Variants in MUS81 observed in about 807,000 individuals in gnomAD.
The protein encoded by MUS81 is structure-specific endonuclease subunit MUS81.
A neutral mutation model predicts 74.2 loss-of-function variants in MUS81; 69 were observed. The observed-to-expected ratio is 0.93, with a 90% CI of 0.77 to 1.14. The LOEUF (loss-of-function observed/expected upper bound fraction) is 1.14. Among genes scored for constraint, MUS81 ranks in the 50% most tolerant of loss-of-function variants. The pLI is 0.00. For missense variants in MUS81, 711 were observed against 726.5 expected (o/e 0.98, Z 0.25); for synonymous variants, 303 against 300.6 (o/e 1.01, Z -0.08).
chr11:65,863,307 C>A (rs539621498), intron 7 of MUS81, 102 bp downstream of exon 7: 1 of 1,581,448 alleles, frequency 6.3e-7, no homozygotes, highest in East Asian at 2.3e-5. Flanking sequence ...ACTGTGGCTG[C>A]CTCCCTACTG....
chr11:65,859,813 T>G (rs1037458321), upstream of MUS81, among the ~76,000 whole-genome samples: 7 of 152,238 alleles, frequency 4.6e-5, no homozygotes, highest in African/African-American at 1.7e-4. Context: ...GTTTCCATCT[T>G]CAACCTCCCT....
At position 65,864,523 on chromosome 11, in the gene MUS81, G is replaced by A; in HGVS notation, c.1086G>A (p.Glu362=). The A allele has an allele frequency of 6.2e-7, 1 of 1,614,168 alleles. No individual in the cohort carries two copies. The highest frequency in any genetic ancestry group is 8.5e-7 in the Non-Finnish European group (1 of 1,180,030). ...QKFRLKRCGL[E]RRVYLVEEHG... Reference sequence around the variant, plus strand: ...TCCGGCTGAAGCGCTGTGGTCTGGAGCGCCGGGTATACCTGGTGGAAGAGC... The same window carrying A: ...TCCGGCTGAAGCGCTGTGGTCTGGAACGCCGGGTATACCTGGTGGAAGAGC... The change falls in exon 11 of 16, where the codon GAG becomes GAA. Residue 362 remains glutamate (E), a synonymous_variant. Coordinates refer to ENST00000308110, the MANE Select transcript of MUS81 (RefSeq NM_025128.5).
intron 10 of MUS81, 157 bp from the exon 11 acceptor site, chr11:65,864,340 C>T (rs989974550): frequency 1.7e-5 from 11 of 664,314 alleles, no homozygotes; most frequent in Admixed American, 1.6e-4. Context: ...AGCAAAGCTG[C>T]GGAGGCCCCT....
Position 65,866,365 on chromosome 11 carries a change from A to T in MUS81, c.*313A>T. 1 of 615,374 alleles carries T rather than the reference A, an allele frequency of 1.6e-6. No individual in the cohort carries two copies. The highest frequency in any genetic ancestry group is 2.9e-6 in the Non-Finnish European group (1 of 349,338). 38.1% of individuals were successfully genotyped at this position (615,374 alleles called of 1,614,324 possible). Reference sequence around the variant, plus strand: ...CCTCATCAAATAAAATTTCCTTAGGAGTGCAGAGGGCTCATTGGGAAAATA... The same window carrying T: ...CCTCATCAAATAAAATTTCCTTAGGTGTGCAGAGGGCTCATTGGGAAAATA... On this transcript the variant is annotated 3_prime_UTR_variant, in exon 16 of 16. Transcript: ENST00000308110.
At position 65,866,094 on chromosome 11, in the gene MUS81, A is replaced by G; in HGVS notation, c.*42A>G. ...AGCCCCCAGCCCCCGTCTGTCCCCC[A>G]ACCCAGGCTAGCCAGCCTTTTAACA... On this transcript the variant is annotated 3_prime_UTR_variant, in exon 16 of 16. Coordinates refer to ENST00000308110, the MANE Select transcript of MUS81 (RefSeq NM_025128.5). 6.3e-7 allele frequency: 1 copy of G among 1,576,464 alleles called. No individual in the cohort carries two copies. Among genetic ancestry groups the G allele is most frequent in the Non-Finnish European group, 8.6e-7 (1 of 1,157,488 alleles).
At chr11:65,865,472 G>C (rs1188042090) in intron 14 of MUS81, 149 bp downstream of exon 14, 1 of 838,370 alleles carries the variant, frequency 1.2e-6, no homozygotes, top group African/African-American at 1.7e-5. Context: ...TGGAGGTCAA[G>C]TGGGGAGGAA....
chr11:65,865,371 C>T, intron 14 of MUS81, 48 bp downstream of exon 14: 1 of 1,554,954 alleles, frequency 6.4e-7, no homozygotes, highest in Non-Finnish European at 8.8e-7. Flanking sequence ...GCCCTCCATG[C>T]ATGGAATTCA....
rs771901794 is a variant in MUS81 at position 65,861,337 on chromosome 11, T to C, written c.266-13T>C. Reference sequence around the variant, plus strand: ...TTCGTGGAGTGTGGAGTTAACTCTTTTCTCTCCCGCAGGTGACCATGCCCC... The same window carrying C: ...TTCGTGGAGTGTGGAGTTAACTCTTCTCTCTCCCGCAGGTGACCATGCCCC... On this transcript the variant is annotated splice_polypyrimidine_tract_variant and intron_variant, in intron 2 of 15. Coordinates refer to ENST00000308110, the MANE Select transcript of MUS81 (RefSeq NM_025128.5). 2 of 1,581,296 alleles carry C rather than the reference T, an allele frequency of 1.3e-6. No individual in the cohort carries two copies. Among genetic ancestry groups the C allele is most frequent in the Non-Finnish European group, 1.7e-6 (2 of 1,161,538 alleles).
At position 65,861,049 on chromosome 11, in the gene MUS81, AC is replaced by A; in HGVS notation, c.213del (p.Asp71GlufsTer70). The A allele has an allele frequency of 6.2e-7, 1 of 1,612,620 alleles. No individual in the cohort carries two copies. The highest frequency in any genetic ancestry group is 8.5e-7 in the Non-Finnish European group (1 of 1,179,974). ...KEAKILQHFG[D>X]GLCRMLDERL... ...GCTAAGATCCTACAGCACTTCGGAGACGGGCTCTGCCGGATGCTGGACGAGC... is the reference window on the plus strand; with the variant it reads ...GCTAAGATCCTACAGCACTTCGGAGAGGGCTCTGCCGGATGCTGGACGAGC... On this transcript the variant is annotated frameshift_variant, in exon 2 of 16. Coordinates refer to ENST00000308110, the MANE Select transcript of MUS81 (RefSeq NM_025128.5). LOFTEE classifies it high-confidence loss of function.
chr11:65,866,739 G>A, downstream of MUS81: 1 of 800,196 alleles, frequency 1.2e-6, no homozygotes, highest in Non-Finnish European at 2.1e-6. Context: ...CCCCATTTAG[G>A]TGAACTTGGC....
Position 65,866,424 on chromosome 11 carries a change from A to T in MUS81, c.*372A>T, listed in dbSNP as rs751281482. On this transcript the variant is annotated 3_prime_UTR_variant, in exon 16 of 16. Transcript: ENST00000308110. ...AAAAATAAATAAAACTTCCTAAAAG[A>T]AAAGATTGAAAACCACTAACAGTCC... 2 of 649,282 alleles carry T rather than the reference A, an allele frequency of 3.1e-6. No individual in the cohort carries two copies. Among genetic ancestry groups the T allele is most frequent in the Non-Finnish European group, 5.5e-6 (2 of 365,224 alleles). 40.2% of individuals were successfully genotyped at this position (649,282 alleles called of 1,614,324 possible).
intron 11 of MUS81, 23 bp downstream of exon 11, chr11:65,864,636 G>C (rs751854558): frequency 1.3e-6 from 2 of 1,597,974 alleles, no homozygotes; most frequent in African/African-American, 2.7e-5. Flanking sequence ...GGCAGGGCCA[G>C]GCAGGCAGGC....
At chr11:65,861,748 A>G in intron 3 of MUS81, 199 bp from the exon 4 acceptor site, 1 of 615,932 alleles carries the variant, frequency 1.6e-6, no homozygotes, top group Non-Finnish European at 2.9e-6. Context: ...GGCTGGGCAG[A>G]CACCCCCACC....
chr11:65,866,874 C>G, downstream of MUS81: 1 of 1,612,474 alleles, frequency 6.2e-7, no homozygotes, highest in South Asian at 1.1e-5. Flanking sequence ...ACAACAGGCT[C>G]CTCAGCTAGG....
At chr11:65,860,099 G>C (rs1859526998), upstream of MUS81, 1 of 361,306 alleles carries the variant, frequency 2.8e-6, no homozygotes, top group Admixed American at 3.0e-5. Context: ...TGTATCCCGG[G>C]GATGAGGATC....
intron 14 of MUS81, 190 bp downstream of exon 14, chr11:65,865,513 T>A: frequency 1.5e-6 from 1 of 661,990 alleles, no homozygotes; most frequent in East Asian, 2.7e-5. Flanking sequence ...TCCCAGGTAG[T>A]GGAGGCCACA....
intron 7 of MUS81, 33 bp from the exon 8 acceptor site, chr11:65,863,377 T>C (rs1565267195): frequency 1.9e-6 from 3 of 1,612,672 alleles, no homozygotes; most frequent in Non-Finnish European, 1.7e-6. Flanking sequence ...GCACAAGGGG[T>C]TCTGGCCTCA....
chr11:65,866,758 C>G (rs548693216), downstream of MUS81: 18 of 963,536 alleles, frequency 1.9e-5, no homozygotes, highest in Admixed American at 8.0e-5. Flanking sequence ...GCCTGCCCCC[C>G]CAAGTGCCAC....
chr11:65,863,988 C>T, intron 10 of MUS81, 87 bp downstream of exon 10: 1 of 1,336,228 alleles, frequency 7.5e-7, no homozygotes, highest in Non-Finnish European at 1.1e-6. Flanking sequence ...TTCTGGCAGC[C>T]TCCTTGAGGC....
Sources: allele counts gnomAD v4.1 joint callset (sites outside exome capture counted in the v4.1 genomes callset), GRCh38; gene constraint gnomAD v4.1.1; transcripts MANE v1.5; gene names NCBI Gene and HGNC (gene_info 2026-07-23, HGNC 2026-07-21).